Variants in SH3TC2 observed in about 807,000 individuals in gnomAD.
SH3TC2 encodes SH3 domain and tetratricopeptide repeat-containing protein 2.
Under a neutral mutation model 124.5 loss-of-function variants are expected in SH3TC2, and 87 were observed. That is an observed-to-expected ratio of 0.70 (90% confidence interval 0.59 to 0.84). The LOEUF is 0.84. Among genes scored for constraint, SH3TC2 ranks in the 40% least tolerant of loss-of-function variants. The pLI, the probability that SH3TC2 is intolerant of heterozygous loss-of-function variation, is 0.00. For synonymous variants in SH3TC2, 634 were observed against 628.5 expected (o/e 1.01, Z -0.13); for missense variants, 1,536 against 1,566.4 (o/e 0.98, Z 0.33).
rs1176620674 is a variant in SH3TC2 at position 148,984,654 on chromosome 5, A to C, written c.*20057T>G. On this transcript the variant is annotated 3_prime_UTR_variant, in exon 17 of 17. Coordinates refer to ENST00000515425, the MANE Select transcript of SH3TC2 (RefSeq NM_024577.4). ...CTTTCAGGTTGGCATATAGGAAGGA[A>C]TTTGTCAGCATGTATCCCTGAAGGG... Among the ~76,000 whole-genome samples, 1 of 152,168 alleles carries C rather than the reference A, an allele frequency of 6.6e-6. No homozygotes were observed. The highest frequency in any genetic ancestry group is 2.4e-5 in the African/African-American group (1 of 41,444).
intron 3 of SH3TC2, chr5:149,047,516 T>G (rs1561771695): frequency 3.2e-6 from 1 of 313,740 alleles, no homozygotes; most frequent in South Asian, 3.0e-5. Flanking sequence ...AAAAAAGAAT[T>G]TGAAATTACC....
rs199624068 is a variant in SH3TC2 at position 149,040,558 on chromosome 5, A to G, written c.805+46T>C. On this transcript the variant is annotated intron_variant, in intron 7 of 16. Coordinates refer to ENST00000515425, the MANE Select transcript of SH3TC2 (RefSeq NM_024577.4). ...CCTGCAGATAAAATTGAGAGGCAGGACAACATTATCTCCCTAACAATACTA... is the reference window on the plus strand; with the variant it reads ...CCTGCAGATAAAATTGAGAGGCAGGGCAACATTATCTCCCTAACAATACTA... 4.6e-6 allele frequency: 7 copies of G among 1,538,442 alleles called. No homozygotes were observed. The South Asian group carries it at 7.8e-5, about 17-fold the overall frequency.
intron 9 of SH3TC2, among the ~76,000 whole-genome samples, chr5:149,030,570 C>T (rs1173423796): frequency 3.3e-5 from 5 of 152,260 alleles, no homozygotes; most frequent in Non-Finnish European, 5.9e-5. Context: ...TCCTGCTCAA[C>T]CTCATAAGGC....
intron 6 of SH3TC2, 57 bp downstream of exon 6, chr5:149,041,359 C>T: frequency 1.3e-6 from 2 of 1,577,746 alleles, no homozygotes; most frequent in East Asian, 2.3e-5. Flanking sequence ...CTACTCTGTT[C>T]TGTGCAAACC....
chr5:148,986,656 G>T lies in SH3TC2; in HGVS notation c.*18055C>A, dbSNP rs912198904. 3.3e-5 allele frequency among the ~76,000 whole-genome samples: 5 copies of T among 152,162 alleles called. No individual in the cohort carries two copies. Among genetic ancestry groups the T allele is most frequent in the Non-Finnish European group, 7.3e-5 (5 of 68,028 alleles). ...TCATACACAACAGGTTTGAGTACATGACAGATACCTTTTTTGACAAATTAT... is the reference window on the plus strand; with the variant it reads ...TCATACACAACAGGTTTGAGTACATTACAGATACCTTTTTTGACAAATTAT... On this transcript the variant is annotated 3_prime_UTR_variant, in exon 17 of 17. Transcript: ENST00000515425.
At chr5:149,034,360 C>T (rs559322998) in intron 8 of SH3TC2, 11 of 193,012 alleles carry the variant, frequency 5.7e-5, no homozygotes, top group Non-Finnish European at 1.2e-4. Flanking sequence ...ACTGATTAAG[C>T]AAGAATGAGG....
In SH3TC2 at chr5:148,985,146, G is replaced by GAAA. The variant is rs5872105; in HGVS notation, c.*19562_*19564dup. Reference sequence around the variant, plus strand: ...TGAATAAGAATGAGCTACTTTTCTGGAAAAAAAAAAAACTATTCACTCAAA... The same window carrying GAAA: ...TGAATAAGAATGAGCTACTTTTCTGGAAAAAAAAAAAAAAACTATTCACTCAAA... On this transcript the variant is annotated 3_prime_UTR_variant, in exon 17 of 17. Coordinates refer to ENST00000515425, the MANE Select transcript of SH3TC2 (RefSeq NM_024577.4). Among the ~76,000 whole-genome samples the GAAA allele has an allele frequency of 4.7e-5, 7 of 148,838 alleles. No homozygotes were observed. The highest frequency in any genetic ancestry group is 7.4e-5 in the African/African-American group (3 of 40,422).
At chr5:149,043,861 G>A (rs75863350) in intron 4 of SH3TC2, 2,343 of 153,040 alleles carry the variant, frequency 0.015, 56 homozygotes, top group African/African-American at 0.053. Flanking sequence ...TGTGTATGTC[G>A]GCATGGAGCC....
In SH3TC2 at chr5:149,030,492, A is replaced by G. The variant is rs140100949; in HGVS notation, c.1135+1062T>C. Among the ~76,000 whole-genome samples, 104 of 152,348 alleles carry G rather than the reference A, an allele frequency of 6.8e-4. 2 individuals carry two copies. In the East Asian group the frequency reaches 0.018, roughly 27 times the overall value. The stretch of plus-strand genomic sequence containing the variant: ...TGCCCAGGCCTTCTCCCCAAGGAAC[A>G]CTGCTAGTACACCTCAATTTTCAGA... On this transcript the variant is annotated intron_variant, in intron 9 of 16. Coordinates refer to ENST00000515425, the MANE Select transcript of SH3TC2 (RefSeq NM_024577.4).
At chr5:149,039,920 T>C (rs1424698538) in intron 7 of SH3TC2, among the ~76,000 whole-genome samples, 1 of 152,182 alleles carries the variant, frequency 6.6e-6, no homozygotes, top group African/African-American at 2.4e-5. Context: ...TCAGCACTTA[T>C]AAAATTGTAC....
In SH3TC2 at chr5:149,012,641, C is replaced by G. The variant is rs1298546971; in HGVS notation, c.3147G>C (p.Gly1049=). The G allele has an allele frequency of 3.1e-6, 5 of 1,614,176 alleles. No individual in the cohort carries two copies. In the South Asian group the frequency reaches 5.5e-5, roughly 18 times the overall value. Residue 1049 remains glycine, a synonymous_variant, in exon 13 of 17, where the codon GGG becomes GGC. Coordinates refer to ENST00000515425, the MANE Select transcript of SH3TC2 (RefSeq NM_024577.4). The stretch of plus-strand genomic sequence containing the variant: ...GCATGAGGTAGTGGAGTCGCCCCGC[C>G]CCAAGCCAGGCCTCAGCAGCCTTGT... ...ETDKAAEAWL[G]AGRLHYLMQE... is the part of the protein sequence containing the mutation.
At chr5:149,050,605 T>C (rs1230896304) in intron 2 of SH3TC2, among the ~76,000 whole-genome samples, 1 of 152,174 alleles carries the variant, frequency 6.6e-6, no homozygotes, top group Middle Eastern at 3.2e-3. Context: ...TGGTCCAAGC[T>C]GACAGACAGA....
At chr5:149,005,552 A>C (rs1374983882) in intron 16 of SH3TC2, among the ~76,000 whole-genome samples, 2 of 152,160 alleles carry the variant, frequency 1.3e-5, no homozygotes, top group African/African-American at 4.8e-5. Flanking sequence ...TGACATGATC[A>C]GATCACACAC....
At chr5:149,033,970 A>G (rs1246134477) in intron 8 of SH3TC2, among the ~76,000 whole-genome samples, 2 of 152,224 alleles carry the variant, frequency 1.3e-5, no homozygotes, top group Admixed American at 6.5e-5. Flanking sequence ...CAAAAAATAC[A>G]AACCATGCAA....
chr5:149,031,812 A>C (rs778002260), intron 8 of SH3TC2, 125 bp from the exon 9 acceptor site: 1 of 1,225,626 alleles, frequency 8.2e-7, no homozygotes, highest in Non-Finnish European at 1.2e-6. Context: ...CCCGCAAATG[A>C]AATTAGATTC....
rs1413006859 is a variant in SH3TC2 at position 148,998,074 on chromosome 5, T to C, written c.*6637A>G. Among the ~76,000 whole-genome samples, 1 of 152,170 alleles carries C rather than the reference T, an allele frequency of 6.6e-6. No individual in the cohort carries two copies. Among genetic ancestry groups the C allele is most frequent in the Non-Finnish European group, 1.5e-5 (1 of 68,042 alleles). On this transcript the variant is annotated 3_prime_UTR_variant, in exon 17 of 17. Transcript: ENST00000515425. ...AAACTACAGGTTAATGAGTGAGAAA[T>C]TCATTTGGTGAGTCATAAATTTGAT...
chr5:148,999,556 A>G lies in SH3TC2; in HGVS notation c.*5155T>C, dbSNP rs1250700165. ...AGAGGAAAAGAGACCAAAACTGACA[A>G]GGTCATGAAAAACAAGGAAAGGCAG... On this transcript the variant is annotated 3_prime_UTR_variant, in exon 17 of 17. Coordinates refer to ENST00000515425, the MANE Select transcript of SH3TC2 (RefSeq NM_024577.4). Among the ~76,000 whole-genome samples, 1 of 152,218 alleles carries G rather than the reference A, an allele frequency of 6.6e-6. No homozygotes were observed. The highest frequency in any genetic ancestry group is 1.5e-5 in the Non-Finnish European group (1 of 68,046).
intron 8 of SH3TC2, among the ~76,000 whole-genome samples, chr5:149,036,916 G>A (rs1372575906): frequency 4.6e-5 from 7 of 152,106 alleles, no homozygotes; most frequent in South Asian, 2.1e-4. Flanking sequence ...AAGTGCCACC[G>A]TGGGCTTCTC....
chr5:149,056,267 C>T (rs533599872), intron 1 of SH3TC2, among the ~76,000 whole-genome samples: 11 of 152,148 alleles, frequency 7.2e-5, no homozygotes, highest in Non-Finnish European at 1.5e-5. Context: ...TCCTCCCAAC[C>T]TCCACCCTCA....
Sources: allele counts gnomAD v4.1 joint callset (sites outside exome capture counted in the v4.1 genomes callset), GRCh38; gene constraint gnomAD v4.1.1; transcripts MANE v1.5; gene names NCBI Gene and HGNC (gene_info 2026-07-23, HGNC 2026-07-21).